HECW1: variants seen among roughly 807,000 people sequenced by gnomAD.
HECW1 encodes the protein E3 ubiquitin-protein ligase HECW1.
HECW1 carries 61 observed loss-of-function variants against 182.3 expected under a neutral mutation model. That is an observed-to-expected ratio of 0.33 (90% CI 0.27 to 0.41). HECW1 has a LOEUF of 0.41. Among genes scored for constraint, HECW1 ranks in the 10% least tolerant of loss-of-function variants. The probability of loss-of-function intolerance (pLI) is 1.00; values close to 1 mark genes in which losing one functional copy is unlikely to be tolerated. For synonymous variants in HECW1, 859 were observed against 832.6 expected, an observed-to-expected ratio of 1.03 and a Z score of -0.55; for missense variants, 1,739 against 2,108.9, an observed-to-expected ratio of 0.82 and a Z score of 3.44.
At chr7:43,200,868 A>G (rs938292394) in intron 2 of HECW1, among the ~76,000 whole-genome samples, 3 of 152,238 alleles carry the variant, frequency 2.0e-5, no homozygotes, top group Non-Finnish European at 2.9e-5. Context: ...AAACAAAAAT[A>G]GCTACAAAGC....
At chr7:43,505,191 TC>T (rs1279926398) in intron 21 of HECW1, among the ~76,000 whole-genome samples, 3 of 152,112 alleles carry the variant, frequency 2.0e-5, no homozygotes, top group Non-Finnish European at 4.4e-5. Context: ...TTCATGCTCT[TC>T]CCCCACAAAT....
intron 2 of HECW1, among the ~76,000 whole-genome samples, chr7:43,168,468 G>A (rs749439778): frequency 6.6e-6 from 1 of 151,976 alleles, no homozygotes; most frequent in Admixed American, 6.6e-5. Flanking sequence ...GACCAACCTG[G>A]GCAACATACT....
intron 2 of HECW1, among the ~76,000 whole-genome samples, chr7:43,132,642 C>T (rs1242958218): frequency 6.6e-6 from 1 of 152,108 alleles, no homozygotes; most frequent in Non-Finnish European, 1.5e-5. Context: ...CAGTATTCTT[C>T]ATGGTGCTCA....
At chr7:43,191,058 A>G (rs1016971501) in intron 2 of HECW1, among the ~76,000 whole-genome samples, 3 of 152,218 alleles carry the variant, frequency 2.0e-5, no homozygotes, top group African/African-American at 7.2e-5. Context: ...CCAAATTAAG[A>G]TGCTTGAATC....
At chr7:43,317,944 C>A (rs6463182) in intron 4 of HECW1, among the ~76,000 whole-genome samples, 23,347 of 151,726 alleles carry the variant, frequency 0.15, 5,814 homozygotes, top group African/African-American at 0.53. Flanking sequence ...AATTAACCCC[C>A]TTTTGTACAT....
At chr7:43,414,834 G>A (rs1584822691) in intron 8 of HECW1, among the ~76,000 whole-genome samples, 2 of 152,030 alleles carry the variant, frequency 1.3e-5, no homozygotes, top group East Asian at 3.9e-4. Flanking sequence ...TAAGCTTTTT[G>A]ATCTGCTGCT....
chr7:43,215,011 C>G (rs1029482), intron 2 of HECW1, among the ~76,000 whole-genome samples: 1 of 152,202 alleles, frequency 6.6e-6, no homozygotes, highest in South Asian at 2.1e-4. Flanking sequence ...GGTAGCCTAC[C>G]CCTTTTGGGT....
chr7:43,258,366 T>A (rs374855460), intron 3 of HECW1, among the ~76,000 whole-genome samples: 2 of 150,238 alleles, frequency 1.3e-5, no homozygotes, highest in Non-Finnish European at 1.5e-5. Flanking sequence ...ATAAAAAAAA[T>A]AAAAAAATAA....
chr7:43,148,298 G>A (rs1333802376), intron 2 of HECW1, among the ~76,000 whole-genome samples: 1 of 152,112 alleles, frequency 6.6e-6, no homozygotes, highest in South Asian at 2.1e-4. Flanking sequence ...CCTGTCTTTG[G>A]ATGTGAGTCA....
At chr7:43,556,472 C>T (rs770435784) in intron 29 of HECW1, among the ~76,000 whole-genome samples, 2 of 152,118 alleles carry the variant, frequency 1.3e-5, no homozygotes, top group Non-Finnish European at 2.9e-5. Flanking sequence ...GGATAGCTTG[C>T]GCCCAAGAGT....
At chr7:43,250,273 C>T (rs753088237) in intron 3 of HECW1, among the ~76,000 whole-genome samples, 9 of 152,044 alleles carry the variant, frequency 5.9e-5, no homozygotes, top group Non-Finnish European at 8.8e-5. Flanking sequence ...ACTCTGAATT[C>T]GATGACAGAC....
At chr7:43,158,037 A>G (rs910039581) in intron 2 of HECW1, among the ~76,000 whole-genome samples, 3 of 152,228 alleles carry the variant, frequency 2.0e-5, no homozygotes, top group African/African-American at 7.2e-5. Flanking sequence ...ACAGTGAAGT[A>G]TAATATAAGG....
rs2082248943 is a variant in HECW1 at position 43,562,948 on chromosome 7, A to G, written c.*1022A>G. ...TACCATGACTTTTGTTAAAGCCATG[A>G]CTTTTGTTTGCTTGGCAGACAAACC... On this transcript the variant is annotated 3_prime_UTR_variant, in exon 30 of 30. Transcript: ENST00000395891. 1 of 212,966 alleles carries G rather than the reference A, an allele frequency of 4.7e-6. No individual in the cohort carries two copies. The highest frequency in any genetic ancestry group is 2.3e-5 in the African/African-American group (1 of 44,338). 13.2% of individuals were successfully genotyped at this position (212,966 alleles called of 1,614,324 possible). A position where few individuals can be genotyped will look rare whatever the true frequency, so the allele number is the denominator to read the frequency against.
chr7:43,515,281 T>C (rs1230636033), intron 24 of HECW1, among the ~76,000 whole-genome samples: 1 of 151,594 alleles, frequency 6.6e-6, no homozygotes. Context: ...GTCATGAAGA[T>C]GACAATGACA....
At chr7:43,397,920 A>C (rs1584764458) in intron 7 of HECW1, among the ~76,000 whole-genome samples, 2 of 152,298 alleles carry the variant, frequency 1.3e-5, no homozygotes, top group African/African-American at 4.8e-5. Flanking sequence ...AAATCTTTGT[A>C]TTATCTTTGG....
At chr7:43,373,083 A>G (rs1401009945) in intron 6 of HECW1, among the ~76,000 whole-genome samples, 1 of 152,166 alleles carries the variant, frequency 6.6e-6, no homozygotes, top group Admixed American at 6.5e-5. Context: ...AAGATGCCCC[A>G]AACCTGGAGC....
chr7:43,342,434 T>C (rs1813115865), intron 5 of HECW1, among the ~76,000 whole-genome samples: 1 of 151,836 alleles, frequency 6.6e-6, no homozygotes, highest in African/African-American at 2.4e-5. Flanking sequence ...CAAGGTTTTA[T>C]ACAATTAATG....
At chr7:43,421,335 T>C (rs2076175831) in intron 8 of HECW1, among the ~76,000 whole-genome samples, 1 of 152,226 alleles carries the variant, frequency 6.6e-6, no homozygotes, top group Non-Finnish European at 1.5e-5. Context: ...ATAAAGCTTC[T>C]AATTCATAAG....
chr7:43,138,381 A>G (rs1787795629), intron 2 of HECW1, among the ~76,000 whole-genome samples: 1 of 152,172 alleles, frequency 6.6e-6, no homozygotes, highest in Admixed American at 6.5e-5. Context: ...CTGTTTTTCC[A>G]TTTTAGTTCC....
Sources: allele counts gnomAD v4.1 joint callset (sites outside exome capture counted in the v4.1 genomes callset), GRCh38; gene constraint gnomAD v4.1.1; transcripts MANE v1.5; gene names NCBI Gene and HGNC (gene_info 2026-07-23, HGNC 2026-07-21).